The following WDFY4 variants were observed in gnomAD, a reference collection of about 807,000 sequenced individuals.
WDFY4 encodes the protein WD repeat- and FYVE domain-containing protein 4.
A neutral mutation model predicts 351.9 loss-of-function variants in WDFY4; 169 were observed. The ratio of observed to expected loss-of-function variants is 0.48; its 90% CI spans 0.42 to 0.55. The LOEUF (loss-of-function observed/expected upper bound fraction) is 0.55, where lower values mean the gene tolerates loss of function less well. WDFY4 is among the 20% of genes least tolerant of loss of function. WDFY4 has a pLI of 0.00. For missense variants in WDFY4, 3,803 were observed against 3,935.6 expected, an observed-to-expected ratio of 0.97 and a Z score of 0.90; for synonymous variants, 1,622 against 1,574.6, an observed-to-expected ratio of 1.03 and a Z score of -0.71.
intron 13 of WDFY4, among the ~76,000 whole-genome samples, chr10:48,766,711 T>C (rs926224456): frequency 6.6e-6 from 1 of 152,248 alleles, no homozygotes; most frequent in Non-Finnish European, 1.5e-5. Flanking sequence ...TAAAGTCAGA[T>C]GGATTCAGCC....
intron 42 of WDFY4, 31 bp from the exon 43 acceptor site, chr10:48,877,002 C>A: frequency 1.4e-6 from 2 of 1,444,388 alleles, no homozygotes; most frequent in Non-Finnish European, 9.1e-7. Flanking sequence ...TGGCTCCTGT[C>A]AACACCACGT....
chr10:48,839,913 T>C (rs1359413773), intron 39 of WDFY4, among the ~76,000 whole-genome samples: 3 of 152,340 alleles, frequency 2.0e-5, no homozygotes, highest in South Asian at 4.1e-4. Flanking sequence ...TTTTCTTAAT[T>C]GTGGTGGGCA....
intron 49 of WDFY4, 51 bp from the exon 50 acceptor site, chr10:48,945,989 G>A: frequency 7.9e-7 from 1 of 1,271,184 alleles, no homozygotes; most frequent in Non-Finnish European, 1.1e-6. Context: ...GTGGCTCCTA[G>A]GGCACAAGCG....
intron 47 of WDFY4, among the ~76,000 whole-genome samples, chr10:48,920,482 G>A (rs1048979086): frequency 6.6e-6 from 1 of 151,806 alleles, no homozygotes; most frequent in South Asian, 2.1e-4. Flanking sequence ...TAACCTGCAC[G>A]TTGTGCACAT....
rs1468974083 is a variant in WDFY4 at position 48,813,987 on chromosome 10, C to T, written c.5245C>T (p.Leu1749=). The T allele has an allele frequency of 2.6e-6, 4 of 1,550,098 alleles. No homozygotes were observed. Among genetic ancestry groups the T allele is most frequent in the Non-Finnish European group, 3.5e-6 (4 of 1,146,162 alleles). ...DSLDAMLQWL[L]QRHHQEEVLQ... is the part of the protein sequence containing the mutation. ...CCTTGATGCCATGCTTCAGTGGCTC[C>T]TGCAGAGGCACCACCAGGAAGAAGT... The change falls in exon 31 of 62, where the codon CTG becomes TTG. Residue 1749 remains leucine, a synonymous_variant. Coordinates refer to ENST00000325239, the MANE Select transcript of WDFY4 (RefSeq NM_001394531.1).
chr10:48,729,629 G>A (rs1267442000), intron 8 of WDFY4, 40 bp downstream of exon 8: 3 of 1,547,366 alleles, frequency 1.9e-6, no homozygotes, highest in Non-Finnish European at 8.7e-7. Flanking sequence ...AAGAGTCAGT[G>A]CTGAGCCCTG....
chr10:48,817,327 C>T lies in WDFY4; in HGVS notation c.5423C>T (p.Thr1808Ile), dbSNP rs771983597. ...VLQFLSLVHR[T>I]YPQDPAWRAP... Reference sequence around the variant, plus strand: ...CAGTTCCTCAGCCTCGTCCACCGCACCTACCCCCAGGACCCAGCGTGGCGA... The same window carrying T: ...CAGTTCCTCAGCCTCGTCCACCGCATCTACCCCCAGGACCCAGCGTGGCGA... The change falls in exon 32 of 62, where the codon ACC becomes ATC. Residue 1808 changes from threonine (T) to isoleucine (I), a missense_variant. Transcript: ENST00000325239. The T allele has an allele frequency of 1.5e-5, 23 of 1,551,570 alleles. No homozygotes were observed. The East Asian group carries it at 2.0e-4, about 13-fold the overall frequency.
intron 13 of WDFY4, among the ~76,000 whole-genome samples, chr10:48,765,189 A>G (rs1372192888): frequency 6.6e-6 from 1 of 152,222 alleles, no homozygotes; most frequent in East Asian, 1.9e-4. Flanking sequence ...AAGAGAATTT[A>G]ACTTTATTGG....
At chr10:48,767,695 A>G (rs890075774) in intron 13 of WDFY4, among the ~76,000 whole-genome samples, 2 of 152,206 alleles carry the variant, frequency 1.3e-5, no homozygotes, top group African/African-American at 4.8e-5. Flanking sequence ...CAGCAGAGAC[A>G]ATGAGGCCTG....
At chr10:48,836,263 A>C (rs774469148) in intron 39 of WDFY4, among the ~76,000 whole-genome samples, 2 of 152,242 alleles carry the variant, frequency 1.3e-5, no homozygotes, top group Non-Finnish European at 2.9e-5. Context: ...CATTTTGTAC[A>C]ACATGCTTTT....
chr10:48,803,399 G>T, intron 25 of WDFY4, 40 bp downstream of exon 25: 2 of 1,544,006 alleles, frequency 1.3e-6, no homozygotes, highest in Non-Finnish European at 8.8e-7. Context: ...AGAACTGAAG[G>T]CTGAATGTCC....
At chr10:48,899,909 G>C (rs60438808) in intron 45 of WDFY4, among the ~76,000 whole-genome samples, 10,691 of 152,176 alleles carry the variant, frequency 0.07, 767 homozygotes, top group African/African-American at 0.19. Flanking sequence ...TAACTCAGAA[G>C]TGAAAAAGTC....
chr10:48,932,839 C>T (rs1251943759), intron 47 of WDFY4, among the ~76,000 whole-genome samples: 1 of 152,006 alleles, frequency 6.6e-6, no homozygotes, highest in Non-Finnish European at 1.5e-5. Flanking sequence ...GACATCTGAG[C>T]TGTAACTAGA....
Position 48,790,728 on chromosome 10 carries a change from G to C in WDFY4, c.4068G>C (p.Gly1356=). Residue 1356 remains glycine, a splice_region_variant and synonymous_variant, in exon 23 of 62, where the codon GGG becomes GGC. Coordinates refer to ENST00000325239, the MANE Select transcript of WDFY4 (RefSeq NM_001394531.1). ...TIGAVAVGQL[G]VRVFHSSPAA... Reference sequence around the variant, plus strand: ...AAATGCCCACTTTATGCCACACAGGGGTGAGGGTATTCCACTCCAGCCCTG... The same window carrying C: ...AAATGCCCACTTTATGCCACACAGGCGTGAGGGTATTCCACTCCAGCCCTG... The C allele has an allele frequency of 6.4e-7, 1 of 1,551,660 alleles. No homozygotes were observed. The highest frequency in any genetic ancestry group is 8.7e-7 in the Non-Finnish European group (1 of 1,146,924).
At chr10:48,830,637 C>T (rs956577933) in intron 37 of WDFY4, 63 bp from the exon 38 acceptor site, 1 of 1,511,110 alleles carries the variant, frequency 6.6e-7, no homozygotes, top group East Asian at 2.5e-5. Flanking sequence ...TGCACCATCT[C>T]CCAGCCCTCT....
At chr10:48,912,953 G>A (rs1256258277) in intron 47 of WDFY4, among the ~76,000 whole-genome samples, 1 of 152,196 alleles carries the variant, frequency 6.6e-6, no homozygotes, top group Non-Finnish European at 1.5e-5. Context: ...ACAAACTCAT[G>A]CTCTGAGATT....
At chr10:48,976,506 G>A (rs138155037) in intron 58 of WDFY4, 383 of 228,182 alleles carry the variant, frequency 1.7e-3, no homozygotes, top group Non-Finnish European at 2.7e-3. Flanking sequence ...GGCAGTCAGG[G>A]TGTGGTTGGG....
In WDFY4 at chr10:48,946,890, C is replaced by A. The variant is rs1453005365; in HGVS notation, c.7898C>A (p.Thr2633Asn). 5 of 1,551,930 alleles carry A rather than the reference C, an allele frequency of 3.2e-6. No individual in the cohort carries two copies. Among genetic ancestry groups the A allele is most frequent in the South Asian group, 1.2e-5 (1 of 84,062 alleles). Residue 2633 changes from threonine to asparagine, a missense_variant, in exon 51 of 62, where the codon ACC becomes AAC. By Grantham distance (65) the Thr-to-Asn change is moderately conservative (BLOSUM62 0). Around this residue, in one of 3 missense-constraint regions of WDFY4, gnomAD observed 3,054 missense variants for 3,148.6 expected, o/e 0.97. Coordinates refer to ENST00000325239, the MANE Select transcript of WDFY4 (RefSeq NM_001394531.1). The stretch of plus-strand genomic sequence containing the variant: ...ATGACTGTCCAGTGCCACTACTACA[C>A]CCACTACTCCTCGGCCATCATCGTG... The part of the protein sequence containing the change: ...GDMTVQCHYY[T>N]HYSSAIIVAS...
chr10:48,737,987 A>C (rs774499287), intron 11 of WDFY4, among the ~76,000 whole-genome samples: 8 of 152,148 alleles, frequency 5.3e-5, no homozygotes, highest in African/African-American at 9.6e-5. Context: ...CTGAGAGTTC[A>C]CTCCACTTCA....
Sources: gnomAD v4.1 joint callset for allele counts (sites outside exome capture counted in the v4.1 genomes callset) on GRCh38, gnomAD v4.1.1 for gene constraint, gnomAD v4.1.1 regional missense constraint, MANE v1.5 for transcripts, NCBI Gene and HGNC (gene_info 2026-07-23, HGNC 2026-07-21) for gene names.